The following DCHS2 variants were observed in gnomAD, a reference collection of about 807,000 sequenced individuals.
DCHS2 encodes protocadherin-23.
In DCHS2, 142 loss-of-function variants were observed where a neutral mutation model predicts 182.4. That is an observed-to-expected ratio of 0.78 (90% confidence interval 0.68 to 0.89). The LOEUF (loss-of-function observed/expected upper bound fraction) is 0.89, where lower values mean the gene tolerates loss of function less well. Among genes scored for constraint, DCHS2 ranks in the 40% least tolerant of loss-of-function variants. The pLI is 0.00. For synonymous variants in DCHS2, 1,740 were observed against 1,663.3 expected (o/e 1.05, Z -1.12); for missense variants, 4,319 against 4,198.6 (o/e 1.03, Z -0.79).
chr4:154,311,475 T>C (rs572806279), intron 10 of DCHS2, among the ~76,000 whole-genome samples: 167 of 152,014 alleles, frequency 1.1e-3, no homozygotes, highest in Admixed American at 3.4e-3. Flanking sequence ...CTTCAAGCAA[T>C]CCTCCCACCT....
At chr4:154,264,639 T>C (rs1002620340) in intron 14 of DCHS2, among the ~76,000 whole-genome samples, 1 of 152,264 alleles carries the variant, frequency 6.6e-6, no homozygotes, top group African/African-American at 2.4e-5. Flanking sequence ...TATCTTAATA[T>C]GATGAGATAA....
chr4:154,341,429 C>A (rs2111385358), intron 3 of DCHS2, among the ~76,000 whole-genome samples: 1 of 151,920 alleles, frequency 6.6e-6, no homozygotes, highest in Non-Finnish European at 1.5e-5. Context: ...CTATAAGCAC[C>A]TAACCATACA....
At chr4:154,253,393 T>A (rs749336040) in intron 16 of DCHS2, among the ~76,000 whole-genome samples, 1 of 152,144 alleles carries the variant, frequency 6.6e-6, no homozygotes, top group Non-Finnish European at 1.5e-5. Context: ...TTGAAAGAAA[T>A]TAGATTTAAT....
chr4:154,491,114 G>A lies in DCHS2; in HGVS notation c.242C>T (p.Thr81Met). ...LSVDEGLPPDTLVGDIRAGLP... is the reference protein window; with the variant it reads ...LSVDEGLPPDMLVGDIRAGLP... ...CCCGGCGCGGATGTCACCTACCAGC[G>A]TGTCCGGGGGAAGCCCCTCATCTAC... Residue 81 changes from threonine (T) to methionine (M), a missense_variant, in exon 1 of 20, where the codon ACG (threonine) becomes ATG (methionine). By Grantham distance (81) the Thr-to-Met change is moderately conservative. Transcript: ENST00000357232. The A allele has an allele frequency of 3.9e-6, 6 of 1,551,500 alleles. No individual in the cohort carries two copies. The highest frequency in any genetic ancestry group is 5.2e-6 in the Non-Finnish European group (6 of 1,146,940).
chr4:154,410,822 A>G (rs978467485), intron 1 of DCHS2, among the ~76,000 whole-genome samples: 1 of 152,212 alleles, frequency 6.6e-6, no homozygotes, highest in African/African-American at 2.4e-5. Context: ...TCTCTGAAGC[A>G]CATTATAATT....
At chr4:154,294,036 A>G (rs935737314) in intron 13 of DCHS2, among the ~76,000 whole-genome samples, 4 of 152,142 alleles carry the variant, frequency 2.6e-5, no homozygotes, top group Admixed American at 2.6e-4. Context: ...TGGTAAAATG[A>G]TATCAACAGA....
At position 154,333,071 on chromosome 4, in the gene DCHS2, T is replaced by G. The variant is rs780538232; in HGVS notation, c.3137A>C (p.Gln1046Pro). Residue 1046 changes from glutamine to proline, a missense_variant, in exon 5 of 20, where the codon CAG becomes CCG. Physicochemically the swap from Gln to Pro is moderately conservative, Grantham distance 76. Transcript: ENST00000357232. ...FLNGSLGAGE[Q>P]RELTLTLRAE... ...CCTGAGAGTCAGCGTGAGCTCCCGCTGCTCGCCCGCGCCCAGGCTGCCGTT... is the reference window on the plus strand; with the variant it reads ...CCTGAGAGTCAGCGTGAGCTCCCGCGGCTCGCCCGCGCCCAGGCTGCCGTT... 2.5e-6 allele frequency: 4 copies of G among 1,614,036 alleles called. No homozygotes were observed. Among genetic ancestry groups the G allele is most frequent in the Non-Finnish European group, 3.4e-6 (4 of 1,179,954 alleles).
rs753345305 is a variant in DCHS2, at chr4:154,297,967, C to A, written c.6347G>T (p.Gly2116Val). 3.1e-6 allele frequency: 5 copies of A among 1,613,990 alleles called. No homozygotes were observed. Among genetic ancestry groups the A allele is most frequent in the Non-Finnish European group, 4.2e-6 (5 of 1,180,000 alleles). Reference protein sequence around the residue: ...IWLQLKVTDQGIPARTTTGLL... With the variant: ...IWLQLKVTDQVIPARTTTGLL... ...ACCCGTGGTTGTCCTGGCTGGAATG[C>A]CCTGGTCTGTAACTTTTAACTGCAG... Residue 2116 changes from glycine to valine, a missense_variant, in exon 13 of 20, where the codon GGC becomes GTC. Physicochemically the swap from Gly to Val is moderately radical, Grantham distance 109 (BLOSUM62 -3). Transcript: ENST00000357232.
intron 10 of DCHS2, 134 bp from the exon 11 acceptor site, chr4:154,305,365 A>G (rs1735401728): frequency 3.4e-6 from 4 of 1,172,706 alleles, no homozygotes; most frequent in Non-Finnish European, 4.5e-6. Context: ...CTTTAAATTA[A>G]GGTAAAAGAA....
intron 2 of DCHS2, among the ~76,000 whole-genome samples, chr4:154,369,096 ATGT>A (rs752074251): frequency 1.3e-5 from 2 of 152,212 alleles, no homozygotes; most frequent in Non-Finnish European, 2.9e-5. Flanking sequence ...CAGAATTCTA[ATGT>A]TGTCTTCTTA....
chr4:154,302,953 ACACACACACACACACC>A lies in DCHS2; in HGVS notation c.5605+1700_5605+1715del, dbSNP rs1357468017. 5.6e-3 allele frequency among the ~76,000 whole-genome samples: 384 copies of A among 68,750 alleles called. 4 individuals carry two copies. The highest frequency in any genetic ancestry group is 0.032 in the African/African-American group (333 of 10,384). The allele number at this position is 68,750 out of a possible 152,430, so 45.1% of individuals were successfully genotyped here. On this transcript the variant is annotated intron_variant, in intron 12 of 19. Coordinates refer to ENST00000357232, the MANE Select transcript of DCHS2 (RefSeq NM_001358235.2). ...TATACGTATACACACACACACACACACACACACACACACACCCACACACACACATATTTTTTTTTTT... is the reference window on the plus strand; with the variant it reads ...TATACGTATACACACACACACACACACACACACACACATATTTTTTTTTTT...
At chr4:154,244,512 G>A (rs1236933360) in intron 16 of DCHS2, among the ~76,000 whole-genome samples, 1 of 152,198 alleles carries the variant, frequency 6.6e-6, no homozygotes, top group African/African-American at 2.4e-5. Flanking sequence ...GTCTCAGCTA[G>A]TTGTGGGAAC....
In DCHS2 at chr4:154,332,990, A is replaced by T. The variant is rs940073090; in HGVS notation, c.3218T>A (p.Ile1073Asn). 16 of 1,614,190 alleles carry T rather than the reference A, an allele frequency of 9.9e-6. No individual in the cohort carries two copies. Among genetic ancestry groups the T allele is most frequent in the Non-Finnish European group, 1.4e-5 (16 of 1,180,020 alleles). The change falls in exon 5 of 20, where the codon ATC becomes AAC. Residue 1073 changes from isoleucine (I) to asparagine (N), a missense_variant. Coordinates refer to ENST00000357232, the MANE Select transcript of DCHS2 (RefSeq NM_001358235.2). ...QAALLVLTVV[I>N]EKREHSPSWT... ...GGATGGGCTGTGTTCGCGTTTCTCG[A>T]TAACGACTGTCAGCACCAGCAGGGC...
At chr4:154,484,390 AT>A (rs5863103) in intron 1 of DCHS2, among the ~76,000 whole-genome samples, 112,718 of 151,888 alleles carry the variant, frequency 0.74, 42,374 homozygotes, top group East Asian at 0.85. Context: ...CAAACCTCCC[AT>A]TATCTCCCAT....
In DCHS2 at chr4:154,489,421, G is replaced by T. The variant is rs373069538; in HGVS notation, c.1935C>A (p.Ala645=). ...CTACGGTGATGCTCACCAGGCAGGT[G>T]GCAGAGAGTGGGGGCTCTCCGAGGT... ...AQDLGEPPLS[A]TCLVSITVDD... is the part of the protein sequence containing the mutation. The change falls in exon 1 of 20, where the codon GCC becomes GCA. Residue 645 remains alanine, a synonymous_variant. Transcript: ENST00000357232. 318 of 1,551,618 alleles carry T rather than the reference G, an allele frequency of 2.0e-4. No homozygotes were observed. Among genetic ancestry groups the T allele is most frequent in the Non-Finnish European group, 2.6e-4 (302 of 1,147,014 alleles).
intron 10 of DCHS2, among the ~76,000 whole-genome samples, chr4:154,311,164 T>A (rs994787005): frequency 5.3e-5 from 8 of 152,206 alleles, no homozygotes; most frequent in African/African-American, 9.6e-5. Context: ...ATCCTCCTCT[T>A]CCTCAAACTA....
At chr4:154,290,127 A>G (rs1244630548) in intron 13 of DCHS2, among the ~76,000 whole-genome samples, 1 of 152,072 alleles carries the variant, frequency 6.6e-6, no homozygotes, top group Non-Finnish European at 1.5e-5. Context: ...ACAAAAATTC[A>G]TGGCATATTG....
intron 1 of DCHS2, among the ~76,000 whole-genome samples, chr4:154,429,620 C>T (rs962078433): frequency 1.1e-4 from 16 of 152,256 alleles, no homozygotes; most frequent in African/African-American, 3.9e-4. Flanking sequence ...CCAGTTTCTG[C>T]CCAAACCCTT....
At chr4:154,304,386 T>C (rs1453211216) in intron 12 of DCHS2, among the ~76,000 whole-genome samples, 2 of 152,094 alleles carry the variant, frequency 1.3e-5, no homozygotes, top group African/African-American at 4.8e-5. Flanking sequence ...AGAAAGCTCA[T>C]GGCACCAGTC....
Sources: gnomAD v4.1 joint callset for allele counts (sites outside exome capture counted in the v4.1 genomes callset) on GRCh38, gnomAD v4.1.1 for gene constraint, MANE v1.5 for transcripts, NCBI Gene and HGNC (gene_info 2026-07-23, HGNC 2026-07-21) for gene names.